The following GRM5 variants were observed in gnomAD, a reference collection of about 807,000 sequenced individuals.
The protein encoded by GRM5 is glutamate metabotropic receptor 5.
A neutral mutation model predicts 83.1 loss-of-function variants in GRM5; 19 were observed. The ratio of observed to expected loss-of-function variants is 0.23; its 90% CI spans 0.16 to 0.34. The LOEUF (loss-of-function observed/expected upper bound fraction) is 0.34. Among genes scored for constraint, GRM5 ranks in the 10% least tolerant of loss-of-function variants. The pLI, the probability that GRM5 is intolerant of heterozygous loss-of-function variation, is 1.00. For missense variants in GRM5, 1,160 were observed against 1,588.3 expected, an observed-to-expected ratio of 0.73 and a Z score of 4.58; for synonymous variants, 675 against 633.6, an observed-to-expected ratio of 1.07 and a Z score of -0.98.
At chr11:89,013,143 A>G (rs1940755778) in intron 2 of GRM5, among the ~76,000 whole-genome samples, 1 of 152,240 alleles carries the variant, frequency 6.6e-6, no homozygotes, top group South Asian at 2.1e-4. Context: ...ACTTTAAGAT[A>G]GCACGTCGTG....
intron 4 of GRM5, among the ~76,000 whole-genome samples, chr11:88,637,042 T>G (rs1188712281): frequency 6.6e-6 from 1 of 152,146 alleles, no homozygotes; most frequent in Non-Finnish European, 1.5e-5. Flanking sequence ...CGGGCTCTTT[T>G]TTGGTTCCAT....
intron 3 of GRM5, among the ~76,000 whole-genome samples, chr11:88,837,663 A>G (rs897778695): frequency 6.6e-6 from 1 of 152,196 alleles, no homozygotes; most frequent in East Asian, 1.9e-4. Flanking sequence ...ACATAGGAAT[A>G]CTTCTTCATC....
At chr11:88,842,647 T>C (rs1054310796) in intron 3 of GRM5, among the ~76,000 whole-genome samples, 2 of 152,220 alleles carry the variant, frequency 1.3e-5, no homozygotes, top group African/African-American at 2.4e-5. Flanking sequence ...TGGTTTCCCA[T>C]CAACATCTCT....
Position 89,056,918 on chromosome 11 carries a change from C to A in GRM5, c.-200-8846G>T, listed in dbSNP as rs555840136. ...ACAATAGACATATTTTAAATACATACAAAAGTATTTCACATCAGGTAACCA... is the reference window on the plus strand; with the variant it reads ...ACAATAGACATATTTTAAATACATAAAAAAGTATTTCACATCAGGTAACCA... On this transcript the variant is annotated intron_variant, in intron 1 of 9. Transcript: ENST00000305447. 2.6e-5 allele frequency among the ~76,000 whole-genome samples: 4 copies of A among 152,172 alleles called. No individual in the cohort carries two copies. In the South Asian group the frequency reaches 8.3e-4, roughly 32 times the overall value.
At chr11:88,971,771 T>C (rs1939171222) in intron 2 of GRM5, among the ~76,000 whole-genome samples, 3 of 152,102 alleles carry the variant, frequency 2.0e-5, no homozygotes, top group Admixed American at 2.0e-4. Context: ...TTAGAGGACA[T>C]ACATGTAATT....
At chr11:88,811,769 A>G (rs1296961827) in intron 3 of GRM5, among the ~76,000 whole-genome samples, 1 of 152,078 alleles carries the variant, frequency 6.6e-6, no homozygotes, top group Non-Finnish European at 1.5e-5. Flanking sequence ...CACACAATAT[A>G]TGGTGATTTC....
At chr11:88,931,591 G>A (rs547468092) in intron 2 of GRM5, among the ~76,000 whole-genome samples, 35 of 152,240 alleles carry the variant, frequency 2.3e-4, no homozygotes, top group Middle Eastern at 3.4e-3. Flanking sequence ...ACTAGCATGA[G>A]CAAAGACAGA....
Position 88,509,182 on chromosome 11 carries a change from G to T in GRM5, c.3049C>A (p.Arg1017Ser). 1 of 1,534,368 alleles carries T rather than the reference G, an allele frequency of 6.5e-7. No homozygotes were observed. Residue 1017 changes from arginine to serine, a missense_variant, in exon 10 of 10, where the codon CGC becomes AGC. This residue lies in a region of GRM5 where 562 missense variants were observed against 532.4 expected (regional missense o/e 1.06). Coordinates refer to ENST00000305447, the MANE Select transcript of GRM5 (RefSeq NM_001143831.3). Reference protein sequence around the residue: ...EEHFPAPARPRSPSPISTLSH... With the variant: ...EEHFPAPARPSSPSPISTLSH... ...AGCGTGCTGATGGGCGACGGTGAGC[G>T]CGGCCGCGCGGGCGCCGGGAAGTGC...
chr11:88,781,107 T>TTA (rs1481216736), intron 3 of GRM5, among the ~76,000 whole-genome samples: 5 of 110,828 alleles, frequency 4.5e-5, no homozygotes, highest in African/African-American at 1.4e-4. Flanking sequence ...AAGCTGTGTT[T>TTA]TATATATATA....
intron 1 of GRM5, among the ~76,000 whole-genome samples, chr11:89,064,197 C>A (rs1358664386): frequency 6.6e-6 from 1 of 152,186 alleles, no homozygotes; most frequent in Non-Finnish European, 1.5e-5. Flanking sequence ...TGGATTGGCA[C>A]TTATTTTCCT....
chr11:88,883,841 G>T lies in GRM5; in HGVS notation c.662-33686C>A, dbSNP rs1487716448. Among the ~76,000 whole-genome samples, 4 of 152,184 alleles carry T rather than the reference G, an allele frequency of 2.6e-5. No homozygotes were observed. The East Asian group carries it at 7.7e-4, about 29-fold the overall frequency. Reference sequence around the variant, plus strand: ...CCCAAGCCTTGGCAACTTACACATGGTGTTGGGACTGTGGGTGCACAGAAG... The same window carrying T: ...CCCAAGCCTTGGCAACTTACACATGTTGTTGGGACTGTGGGTGCACAGAAG... On this transcript the variant is annotated intron_variant, in intron 2 of 9. Transcript: ENST00000305447.
chr11:88,560,568 G>A (rs1942731398), intron 8 of GRM5, among the ~76,000 whole-genome samples: 1 of 151,982 alleles, frequency 6.6e-6, no homozygotes, highest in Admixed American at 6.6e-5. Context: ...TATATTTTTA[G>A]GACAAAGCAT....
At chr11:88,568,906 G>A (rs1942927786) in intron 7 of GRM5, among the ~76,000 whole-genome samples, 3 of 152,128 alleles carry the variant, frequency 2.0e-5, no homozygotes, top group Admixed American at 2.0e-4. Flanking sequence ...CAAGGGAAGT[G>A]CACCACTCTC....
chr11:88,743,039 C>T (rs867352938), intron 3 of GRM5, among the ~76,000 whole-genome samples: 8 of 152,096 alleles, frequency 5.3e-5, no homozygotes, highest in African/African-American at 1.4e-4. Context: ...TTAAAAACAG[C>T]GAGATTGCTA....
intron 3 of GRM5, among the ~76,000 whole-genome samples, chr11:88,774,433 C>A (rs1021395749): frequency 6.6e-6 from 1 of 152,116 alleles, no homozygotes. Flanking sequence ...TAATTGAATA[C>A]CCTTTATTTC....
intron 2 of GRM5, among the ~76,000 whole-genome samples, chr11:88,889,724 T>G: frequency 6.6e-6 from 1 of 152,332 alleles, no homozygotes; most frequent in Non-Finnish European, 1.5e-5. Context: ...CTCAGTTGAC[T>G]AAATCATCTT....
At chr11:88,536,961 A>G (rs1368917017) in intron 8 of GRM5, among the ~76,000 whole-genome samples, 1 of 152,182 alleles carries the variant, frequency 6.6e-6, no homozygotes, top group Admixed American at 6.6e-5. Context: ...ATCCCCATTC[A>G]GCAGATAAGG....
intron 3 of GRM5, among the ~76,000 whole-genome samples, chr11:88,813,515 C>T (rs1027347722): frequency 1.3e-5 from 2 of 152,156 alleles, no homozygotes; most frequent in Non-Finnish European, 2.9e-5. Flanking sequence ...CTGTCATATG[C>T]TTGAAACATT....
chr11:88,579,465 G>T (rs945895659), intron 7 of GRM5, among the ~76,000 whole-genome samples: 3 of 152,158 alleles, frequency 2.0e-5, no homozygotes, highest in Non-Finnish European at 2.9e-5. Context: ...GAAAAGAAGA[G>T]GTAGAACTGG....
Sources: gnomAD v4.1 joint callset for allele counts (sites outside exome capture counted in the v4.1 genomes callset) on GRCh38, gnomAD v4.1.1 for gene constraint, gnomAD v4.1.1 regional missense constraint, MANE v1.5 for transcripts, NCBI Gene and HGNC (gene_info 2026-07-23, HGNC 2026-07-21) for gene names.